ZNHIT6: variants seen among roughly 807,000 people sequenced by gnomAD.
ZNHIT6 encodes the protein box C/D snoRNA protein 1.
ZNHIT6 carries 45 observed loss-of-function variants against 57.2 expected under a neutral mutation model. The observed-to-expected ratio is 0.79, with a 90% CI of 0.62 to 1.01. The LOEUF is 1.01. ZNHIT6 is among the 50% of genes least tolerant of loss of function. The pLI is 0.00. For synonymous variants in ZNHIT6, 188 were observed against 190.0 expected, an observed-to-expected ratio of 0.99 and a Z score of 0.09; for missense variants, 528 against 567.3, an observed-to-expected ratio of 0.93 and a Z score of 0.70.
intron 8 of ZNHIT6, among the ~76,000 whole-genome samples, chr1:85,660,263 C>G (rs993200224): frequency 2.0e-5 from 3 of 152,172 alleles, no homozygotes; most frequent in African/African-American, 7.2e-5. Context: ...AGGAACTTTT[C>G]AAGTGGCATC....
rs746320830 is a variant in ZNHIT6 at position 85,702,223 on chromosome 1, A to G, written c.953T>C (p.Ile318Thr). 6.2e-7 allele frequency: 1 copy of G among 1,609,006 alleles called. No homozygotes were observed. Among genetic ancestry groups the G allele is most frequent in the Non-Finnish European group, 8.5e-7 (1 of 1,178,656 alleles). The change falls in exon 5 of 10, where the codon ATT becomes ACT. Residue 318 changes from isoleucine (I) to threonine (T), a missense_variant. Coordinates refer to ENST00000370574, the MANE Select transcript of ZNHIT6 (RefSeq NM_017953.4). Reference sequence around the variant, plus strand: ...TCCATTGGGTAGAAGTTTTAAGTTAATACCTTGCCTCCGGGCACGATTTTT... The same window carrying G: ...TCCATTGGGTAGAAGTTTTAAGTTAGTACCTTGCCTCCGGGCACGATTTTT... ...FMKNRARRQG[I>T]NLKLLPNGFT... is the part of the protein sequence containing the mutation.
chr1:85,669,128 G>A (rs1291536797), intron 8 of ZNHIT6, among the ~76,000 whole-genome samples: 1 of 152,112 alleles, frequency 6.6e-6, no homozygotes, highest in Non-Finnish European at 1.5e-5. Flanking sequence ...GCATTGTTCT[G>A]AAAAGAAATA....
At chr1:85,700,734 T>C (rs1426983131) in intron 5 of ZNHIT6, among the ~76,000 whole-genome samples, 1 of 152,210 alleles carries the variant, frequency 6.6e-6, no homozygotes, top group Non-Finnish European at 1.5e-5. Context: ...AAACTTCAAA[T>C]TATGTCAATT....
In ZNHIT6 at chr1:85,708,347, A is replaced by G. The variant is rs954585315; in HGVS notation, c.-63T>C. On this transcript the variant is annotated 5_prime_UTR_variant, in exon 1 of 10. Coordinates refer to ENST00000370574, the MANE Select transcript of ZNHIT6 (RefSeq NM_017953.4). Reference sequence around the variant, plus strand: ...TTCAATGTGGCTGCTGCACACCAATAGGAGGAATTACCGGTCGGAATACCT... The same window carrying G: ...TTCAATGTGGCTGCTGCACACCAATGGGAGGAATTACCGGTCGGAATACCT... The G allele has an allele frequency of 3.5e-5, 53 of 1,520,874 alleles. No homozygotes were observed. Among genetic ancestry groups the G allele is most frequent in the South Asian group, 5.1e-5 (4 of 78,746 alleles). 94.2% of individuals were successfully genotyped at this position (1,520,874 alleles called of 1,614,324 possible).
rs182560996 is a variant in ZNHIT6 at position 85,650,534 on chromosome 1, C to G, written c.*3524G>C. 1 of 152,310 alleles carries G rather than the reference C, an allele frequency of 6.6e-6. No homozygotes were observed. Among genetic ancestry groups the G allele is most frequent in the Admixed American group, 6.5e-5 (1 of 15,306 alleles). 9.4% of individuals were successfully genotyped at this position (152,310 alleles called of 1,614,324 possible). Reference sequence around the variant, plus strand: ...CAACACATTTTAATGCAACAGAGTACAGCTTAGTCCATTTTGTGTCGCTAT... The same window carrying G: ...CAACACATTTTAATGCAACAGAGTAGAGCTTAGTCCATTTTGTGTCGCTAT... On this transcript the variant is annotated 3_prime_UTR_variant, in exon 10 of 10. Transcript: ENST00000370574.
At chr1:85,690,683 GTT>G (rs1662190269) in intron 5 of ZNHIT6, among the ~76,000 whole-genome samples, 1 of 152,158 alleles carries the variant, frequency 6.6e-6, no homozygotes, top group South Asian at 2.1e-4. Context: ...CAGATCAGTG[GTT>G]TTCAGGTAGA....
intron 8 of ZNHIT6, among the ~76,000 whole-genome samples, chr1:85,666,470 T>C (rs571256647): frequency 2.8e-5 from 4 of 143,526 alleles, no homozygotes; most frequent in African/African-American, 9.9e-5. Context: ...ATTATCACTA[T>C]AGAAATTGTA....
intron 9 of ZNHIT6, among the ~76,000 whole-genome samples, chr1:85,657,586 C>T (rs1482813194): frequency 6.6e-6 from 1 of 151,736 alleles, no homozygotes; most frequent in Non-Finnish European, 1.5e-5. Flanking sequence ...ACATAGAACC[C>T]CATGCTAAAA....
intron 5 of ZNHIT6, among the ~76,000 whole-genome samples, chr1:85,685,862 T>C (rs1469440150): frequency 1.3e-5 from 2 of 150,828 alleles, no homozygotes; most frequent in African/African-American, 2.4e-5. Context: ...CCTGGCTGAT[T>C]TGTTACTTTT....
chr1:85,653,967 T>C lies in ZNHIT6; in HGVS notation c.*91A>G, dbSNP rs563651253. ...ACAAAGAAAAAATTCCAATCACCCA[T>C]TGACAATACCCCAATCAGCCAACAG... is the stretch of plus-strand genomic sequence containing the variant. On this transcript the variant is annotated 3_prime_UTR_variant, in exon 10 of 10. Coordinates refer to ENST00000370574, the MANE Select transcript of ZNHIT6 (RefSeq NM_017953.4). The C allele has an allele frequency of 1.1e-5, 11 of 1,035,334 alleles. No individual in the cohort carries two copies. Among genetic ancestry groups the C allele is most frequent in the Middle Eastern group, 2.1e-4 (1 of 4,810 alleles). 64.1% of individuals were successfully genotyped at this position (1,035,334 alleles called of 1,614,324 possible). A position where few individuals can be genotyped will look rare whatever the true frequency, so the allele number is the denominator to read the frequency against.
intron 5 of ZNHIT6, among the ~76,000 whole-genome samples, chr1:85,689,425 T>C (rs1363086800): frequency 6.6e-6 from 1 of 152,148 alleles, no homozygotes; most frequent in Non-Finnish European, 1.5e-5. Flanking sequence ...GTTTAATTAT[T>C]TGGTATAGAT....
chr1:85,665,058 T>C (rs1212159499), intron 8 of ZNHIT6, among the ~76,000 whole-genome samples: 1 of 152,140 alleles, frequency 6.6e-6, no homozygotes, highest in Non-Finnish European at 1.5e-5. Flanking sequence ...CTCAAACTCC[T>C]GACCTCAGGT....
At chr1:85,667,980 A>G (rs2100660756) in intron 8 of ZNHIT6, among the ~76,000 whole-genome samples, 1 of 97,746 alleles carries the variant, frequency 1.0e-5, no homozygotes, top group African/African-American at 3.5e-5. Context: ...ATATATATAT[A>G]TATATGCTCT....
intron 8 of ZNHIT6, among the ~76,000 whole-genome samples, chr1:85,672,446 C>T (rs921922012): frequency 6.6e-6 from 1 of 152,162 alleles, no homozygotes; most frequent in Non-Finnish European, 1.5e-5. Context: ...CTCCTCAAAT[C>T]ACTTACTTGC....
At chr1:85,666,968 T>C (rs1002264535) in intron 8 of ZNHIT6, among the ~76,000 whole-genome samples, 9 of 152,212 alleles carry the variant, frequency 5.9e-5, no homozygotes, top group African/African-American at 1.9e-4. Flanking sequence ...GTTAATGCCA[T>C]TCTGAACACA....
chr1:85,684,078 C>T (rs1204200507), intron 5 of ZNHIT6, among the ~76,000 whole-genome samples: 1 of 152,186 alleles, frequency 6.6e-6, no homozygotes, highest in Non-Finnish European at 1.5e-5. Context: ...CTAAATTCAA[C>T]AAAATGCCTT....
At position 85,657,981 on chromosome 1, in the gene ZNHIT6, A is replaced by T. The variant is rs758398314; in HGVS notation, c.1248-10T>A. The stretch of plus-strand genomic sequence containing the variant: ...ATCTAGTTCATAATATCTTATTAAT[A>T]AAAAAAAACAAAAAACCAGGAAACA... On this transcript the variant is annotated splice_polypyrimidine_tract_variant and intron_variant, in intron 8 of 9. Coordinates refer to ENST00000370574, the MANE Select transcript of ZNHIT6 (RefSeq NM_017953.4). 24 of 1,370,132 alleles carry T rather than the reference A, an allele frequency of 1.8e-5. No homozygotes were observed. The highest frequency in any genetic ancestry group is 3.3e-5 in the African/African-American group (2 of 60,844). 84.9% of individuals were successfully genotyped at this position (1,370,132 alleles called of 1,614,324 possible).
At chr1:85,693,589 C>T (rs1440563728) in intron 5 of ZNHIT6, among the ~76,000 whole-genome samples, 1 of 151,972 alleles carries the variant, frequency 6.6e-6, no homozygotes, top group Non-Finnish European at 1.5e-5. Context: ...CAGAACAAAT[C>T]TCAAGGAATA....
intron 8 of ZNHIT6, among the ~76,000 whole-genome samples, chr1:85,659,718 T>C (rs1198923635): frequency 6.6e-6 from 1 of 152,204 alleles, no homozygotes; most frequent in Non-Finnish European, 1.5e-5. Flanking sequence ...TAGTGATTTC[T>C]CCATGTTCTG....
Sources: gnomAD v4.1 joint callset for allele counts (sites outside exome capture counted in the v4.1 genomes callset) on GRCh38, gnomAD v4.1.1 for gene constraint, MANE v1.5 for transcripts, NCBI Gene and HGNC (gene_info 2026-07-23, HGNC 2026-07-21) for gene names.